GLRA2: variants seen among roughly 807,000 people sequenced by gnomAD.
The protein encoded by GLRA2 is glycine receptor alpha 2.
GLRA2 carries 11 observed loss-of-function variants against 31.6 expected under a neutral mutation model. The observed-to-expected ratio is 0.35, with a 90% confidence interval of 0.22 to 0.58. The LOEUF (loss-of-function observed/expected upper bound fraction) is 0.58, where lower values mean the gene tolerates loss of function less well. Among genes scored for constraint, GLRA2 ranks in the 20% least tolerant of loss-of-function variants. The pLI, the probability that GLRA2 is intolerant of heterozygous loss-of-function variation, is 0.84. For synonymous variants in GLRA2, 132 were observed against 134.0 expected, an observed-to-expected ratio of 0.99 and a Z score of 0.10; for missense variants, 212 against 351.8, an observed-to-expected ratio of 0.60 and a Z score of 3.18.
intron 8 of GLRA2, among the ~76,000 whole-genome samples, chrX:14,729,512 T>C (rs187899580): frequency 8.9e-6 from 1 of 111,781 alleles, no homozygotes; most frequent in Non-Finnish European, 1.9e-5. Context: ...CAAATATCAC[T>C]GACATCAGCT....
At chrX:14,675,856 G>T (rs897758207) in intron 7 of GLRA2, among the ~76,000 whole-genome samples, 1 of 112,204 alleles carries the variant, frequency 8.9e-6, no homozygotes, top group Non-Finnish European at 1.9e-5. Context: ...ATAGGTAAGA[G>T]ATCAAACAGA....
chrX:14,489,874 A>G, the GLRA2 span, among the ~76,000 whole-genome samples: 2 of 112,192 alleles, frequency 1.8e-5, no homozygotes, highest in East Asian at 2.8e-4. Context: ...AAAACCAAAT[A>G]AAAATCCATT....
intron 2 of GLRA2, among the ~76,000 whole-genome samples, chrX:14,558,557 C>T (rs1452152657): frequency 8.9e-6 from 1 of 111,993 alleles, no homozygotes; most frequent in Non-Finnish European, 1.9e-5. Context: ...CTCACTTTCT[C>T]TTAAAAGTGA....
intron 7 of GLRA2, among the ~76,000 whole-genome samples, chrX:14,672,480 T>C (rs1348402194): frequency 8.9e-6 from 1 of 112,284 alleles, no homozygotes; most frequent in East Asian, 2.8e-4. Flanking sequence ...CAAGAGGCAG[T>C]AGGATTTCTT....
At chrX:14,471,311 G>T in the GLRA2 span, among the ~76,000 whole-genome samples, 2 of 111,588 alleles carry the variant, frequency 1.8e-5, no homozygotes. Context: ...GCTCACAAGG[G>T]CACCTTCAAC....
chrX:14,699,115 A>T (rs1386508209), intron 8 of GLRA2, among the ~76,000 whole-genome samples: 1 of 112,325 alleles, frequency 8.9e-6, no homozygotes, highest in Non-Finnish European at 1.9e-5. Context: ...ACCCCAGTCT[A>T]TTAGAAGCTG....
intron 7 of GLRA2, among the ~76,000 whole-genome samples, chrX:14,619,139 T>G (rs540138450): frequency 5.4e-5 from 6 of 111,328 alleles, no homozygotes; most frequent in African/African-American, 2.0e-4. Flanking sequence ...TCTTGGGGTC[T>G]TGGGATTTAG....
chrX:14,450,388 A>G, the GLRA2 span, among the ~76,000 whole-genome samples: 2 of 111,659 alleles, frequency 1.8e-5, no homozygotes, highest in African/African-American at 6.5e-5. Flanking sequence ...CAGCCTGCCA[A>G]CGCCCCACTT....
intron 4 of GLRA2, 23 bp from the exon 5 acceptor site, chrX:14,604,292 T>A (rs772392729): frequency 3.9e-6 from 4 of 1,036,938 alleles, no homozygotes; most frequent in Non-Finnish European, 5.4e-6. Flanking sequence ...AAATGGTTTT[T>A]AATTTTTTTT....
At chrX:14,471,997 T>C in the GLRA2 span, among the ~76,000 whole-genome samples, 1 of 112,093 alleles carries the variant, frequency 8.9e-6, no homozygotes, top group African/African-American at 3.2e-5. Context: ...TTTTTTGTGA[T>C]GTGGTTTTGC....
the GLRA2 span, among the ~76,000 whole-genome samples, chrX:14,507,109 A>C: frequency 9.0e-6 from 1 of 111,585 alleles, no homozygotes; most frequent in Non-Finnish European, 1.9e-5. Flanking sequence ...GCCCAACTAG[A>C]TTTTCCTGGT....
the GLRA2 span, among the ~76,000 whole-genome samples, chrX:14,482,934 A>G: frequency 9.0e-6 from 1 of 111,357 alleles, no homozygotes; most frequent in Non-Finnish European, 1.9e-5. Context: ...GCAGCTGAAT[A>G]TATACCACTA....
At chrX:14,678,494 T>C (rs993555437) in intron 7 of GLRA2, among the ~76,000 whole-genome samples, 8 of 111,019 alleles carry the variant, frequency 7.2e-5, no homozygotes, top group African/African-American at 2.6e-4. Context: ...CCAGGATTGC[T>C]TTACAGAGAG....
chrX:14,554,028 A>G (rs1376836177), intron 2 of GLRA2, among the ~76,000 whole-genome samples: 4 of 112,382 alleles, frequency 3.6e-5, no homozygotes, highest in African/African-American at 1.3e-4. Context: ...CACCCAATAT[A>G]CAGAAGGACT....
chrX:14,629,811 T>A (rs913674720), intron 7 of GLRA2, among the ~76,000 whole-genome samples: 2 of 111,814 alleles, frequency 1.8e-5, no homozygotes, highest in African/African-American at 6.5e-5. Flanking sequence ...TACCTTCAAC[T>A]AATATTATAT....
intron 3 of GLRA2, among the ~76,000 whole-genome samples, chrX:14,577,312 C>T (rs186293671): frequency 1.1e-4 from 12 of 113,216 alleles, no homozygotes; most frequent in African/African-American, 3.8e-4. Context: ...CAAATTTGGG[C>T]CACAGGCCAT....
At chrX:14,612,178 C>T (rs1436353470) in intron 7 of GLRA2, among the ~76,000 whole-genome samples, 2 of 111,894 alleles carry the variant, frequency 1.8e-5, no homozygotes, top group South Asian at 3.7e-4. Flanking sequence ...AGAACAGACA[C>T]TTCTCAAAAG....
the GLRA2 span, among the ~76,000 whole-genome samples, chrX:14,482,013 A>T: frequency 8.9e-6 from 1 of 112,088 alleles, no homozygotes; most frequent in Non-Finnish European, 1.9e-5. Context: ...AAGTAGGGCT[A>T]ACCACTTGGT....
intron 3 of GLRA2, 56 bp downstream of exon 3, chrX:14,574,456 C>G (rs770087369): frequency 1.7e-6 from 2 of 1,163,821 alleles, no homozygotes; most frequent in Non-Finnish European, 1.2e-6. Context: ...ATGCTGTGAA[C>G]ACAAACTGTC....
Sources: gnomAD v4.1 joint callset for allele counts (sites outside exome capture counted in the v4.1 genomes callset) on GRCh38, gnomAD v4.1.1 for gene constraint, MANE v1.5 for transcripts, NCBI Gene and HGNC (gene_info 2026-07-23, HGNC 2026-07-21) for gene names.